Variants in CLNK observed in about 807,000 individuals in gnomAD.
CLNK encodes cytokine dependent hematopoietic cell linker.
CLNK carries 74 observed loss-of-function variants against 68.6 expected under a neutral mutation model. The ratio of observed to expected loss-of-function variants is 1.08; its 90% CI spans 0.89 to 1.31. CLNK has a LOEUF of 1.31. Among genes scored for constraint, CLNK ranks in the 50% most tolerant of loss-of-function variants. CLNK has a pLI of 0.00. For missense variants in CLNK, 553 were observed against 515.3 expected, an observed-to-expected ratio of 1.07 and a Z score of -0.71; for synonymous variants, 198 against 172.2, an observed-to-expected ratio of 1.15 and a Z score of -1.17.
intron 2 of CLNK, among the ~76,000 whole-genome samples, chr4:10,659,480 T>C (rs988405935): frequency 1.3e-5 from 2 of 152,256 alleles, no homozygotes; most frequent in Non-Finnish European, 2.9e-5. Flanking sequence ...AATATTTCTG[T>C]TGGATTATTG....
intron 6 of CLNK, among the ~76,000 whole-genome samples, chr4:10,565,303 A>T (rs1720062812): frequency 6.6e-6 from 1 of 152,236 alleles, no homozygotes; most frequent in South Asian, 2.1e-4. Flanking sequence ...GAACAAGAAA[A>T]GTCATCATCA....
intron 1 of CLNK, among the ~76,000 whole-genome samples, chr4:10,679,539 C>T (rs1453463356): frequency 6.6e-6 from 1 of 152,076 alleles, no homozygotes; most frequent in Non-Finnish European, 1.5e-5. Flanking sequence ...CTAAAGAGCT[C>T]CTGCACTGCA....
At chr4:10,665,736 G>C (rs1219048807) in intron 2 of CLNK, among the ~76,000 whole-genome samples, 1 of 150,468 alleles carries the variant, frequency 6.6e-6, no homozygotes, top group African/African-American at 2.4e-5. Flanking sequence ...AAGCCAAGCA[G>C]ATGCTCATGG....
rs1369705874 is a variant in CLNK at position 10,673,462 on chromosome 4, T to C, written c.-42-5551A>G. Among the ~76,000 whole-genome samples the C allele has an allele frequency of 2.6e-5, 4 of 152,090 alleles. No individual in the cohort carries two copies. In the East Asian group the frequency reaches 7.7e-4, roughly 29 times the overall value. ...GACTGGATTAATAAAATGTGGCACA[T>C]ATACACCATGGAATACTATGCAGCC... On this transcript the variant is annotated intron_variant, in intron 1 of 18. Coordinates refer to ENST00000226951, the MANE Select transcript of CLNK (RefSeq NM_052964.4).
intron 11 of CLNK, among the ~76,000 whole-genome samples, chr4:10,538,592 C>T (rs926642197): frequency 6.6e-6 from 1 of 152,166 alleles, no homozygotes; most frequent in Admixed American, 6.5e-5. Context: ...ATTATTGTTG[C>T]CTCCCAGTTT....
chr4:10,714,685 T>G, the CLNK span, among the ~76,000 whole-genome samples: 6 of 68,690 alleles, frequency 8.7e-5, no homozygotes, highest in African/African-American at 2.1e-4. Flanking sequence ...TTCATTGTGG[T>G]GTGTGTGTGT....
At chr4:10,501,208 A>G in intron 18 of CLNK, 48 bp downstream of exon 18, 1 of 1,506,102 alleles carries the variant, frequency 6.6e-7, no homozygotes, top group Admixed American at 2.5e-5. Flanking sequence ...CTCTTCCTTT[A>G]TTTGTTGCGC....
At position 10,564,716 on chromosome 4, in the gene CLNK, G is replaced by C. The variant is rs774485722; in HGVS notation, c.354C>G (p.Ile118Met). ...TPLPLDTRTS[I>M]SIGQPTWNTQ... is the part of the protein sequence containing the mutation. The stretch of plus-strand genomic sequence containing the variant: ...TGTTCCAGGTCGGCTGTCCAATGGA[G>C]ATAGAGGTCCTGGTGTCTAACGGAA... The change falls in exon 7 of 19, where the codon ATC becomes ATG. Residue 118 changes from isoleucine (I) to methionine (M), a missense_variant. Ile to Met is a conservative substitution (Grantham distance 10, BLOSUM62 1). Coordinates refer to ENST00000226951, the MANE Select transcript of CLNK (RefSeq NM_052964.4). 7 of 1,613,830 alleles carry C rather than the reference G, an allele frequency of 4.3e-6. No homozygotes were observed. In the South Asian group the frequency reaches 7.7e-5, roughly 18 times the overall value.
At chr4:10,496,255 A>G (rs572441257) in intron 18 of CLNK, among the ~76,000 whole-genome samples, 7 of 152,324 alleles carry the variant, frequency 4.6e-5, no homozygotes, top group African/African-American at 1.7e-4. Context: ...GTTTCTCATT[A>G]TGTTTTTCCT....
chr4:10,725,569 A>G, the CLNK span, among the ~76,000 whole-genome samples: 1 of 152,176 alleles, frequency 6.6e-6, no homozygotes, highest in Non-Finnish European at 1.5e-5. Context: ...CCCCAGCGAA[A>G]AACACATTCT....
chr4:10,558,585 G>T, intron 7 of CLNK, 133 bp from the exon 8 acceptor site: 1 of 778,402 alleles, frequency 1.3e-6, no homozygotes, highest in South Asian at 1.7e-5. Context: ...TTCAATGTAT[G>T]GTTGGCTGTC....
At chr4:10,681,392 T>G (rs1725086122) in intron 1 of CLNK, among the ~76,000 whole-genome samples, 1 of 152,202 alleles carries the variant, frequency 6.6e-6, no homozygotes, top group Non-Finnish European at 1.5e-5. Flanking sequence ...AGTTTGGGCC[T>G]AGGCTATTAG....
intron 16 of CLNK, among the ~76,000 whole-genome samples, chr4:10,510,781 T>G (rs1560194651): frequency 6.6e-6 from 1 of 152,228 alleles, no homozygotes; most frequent in Non-Finnish European, 1.5e-5. Context: ...TCCCTTTCTA[T>G]TGATCCCAGG....
intron 16 of CLNK, among the ~76,000 whole-genome samples, chr4:10,508,845 A>C (rs748537876): frequency 2.1e-5 from 2 of 94,214 alleles, no homozygotes; most frequent in Non-Finnish European, 4.7e-5. Flanking sequence ...TGGTGGCTCA[A>C]TGCCTGTAAT....
intron 17 of CLNK, among the ~76,000 whole-genome samples, chr4:10,502,062 C>A (rs1455701320): frequency 6.6e-6 from 1 of 152,262 alleles, no homozygotes; most frequent in Admixed American, 6.5e-5. Context: ...CTGCCTCTGG[C>A]TCCTGGCTCC....
chr4:10,660,243 G>A (rs1724143806), intron 2 of CLNK, among the ~76,000 whole-genome samples: 2 of 152,154 alleles, frequency 1.3e-5, no homozygotes, highest in Admixed American at 6.5e-5. Flanking sequence ...TGTCAAATTA[G>A]TTCATGAGTT....
intron 1 of CLNK, among the ~76,000 whole-genome samples, chr4:10,681,767 A>G (rs1298981376): frequency 6.6e-6 from 1 of 152,192 alleles, no homozygotes; most frequent in Admixed American, 6.5e-5. Flanking sequence ...CTCATGGAGC[A>G]CCATGCCGAG....
chr4:10,580,134 G>A (rs1720723667), intron 4 of CLNK, among the ~76,000 whole-genome samples: 1 of 152,098 alleles, frequency 6.6e-6, no homozygotes. Flanking sequence ...CAAGACTAAG[G>A]ACCCTGGTGT....
At chr4:10,611,136 G>A (rs891041535) in intron 2 of CLNK, among the ~76,000 whole-genome samples, 2 of 152,170 alleles carry the variant, frequency 1.3e-5, no homozygotes, top group Non-Finnish European at 2.9e-5. Flanking sequence ...TGCCCAACAT[G>A]GTGAAACCCC....
Sources: allele counts gnomAD v4.1 joint callset (sites outside exome capture counted in the v4.1 genomes callset), GRCh38; gene constraint gnomAD v4.1.1; transcripts MANE v1.5; gene names NCBI Gene and HGNC (gene_info 2026-07-23, HGNC 2026-07-21).